Variants in ZHX3 observed in about 807,000 individuals in gnomAD.
ZHX3 encodes zinc fingers and homeoboxes protein 3.
ZHX3 carries 20 observed loss-of-function variants against 64.5 expected under a neutral mutation model. That is an observed-to-expected ratio of 0.31 (90% CI 0.22 to 0.45). The LOEUF (loss-of-function observed/expected upper bound fraction) is 0.45. ZHX3 is among the 20% of genes least tolerant of loss of function. ZHX3 has a pLI of 1.00. For synonymous variants in ZHX3, 423 were observed against 461.6 expected, an observed-to-expected ratio of 0.92 and a Z score of 1.07; for missense variants, 1,041 against 1,195.8, an observed-to-expected ratio of 0.87 and a Z score of 1.91.
chr20:41,267,287 T>G (rs1183772198), intron 2 of ZHX3, among the ~76,000 whole-genome samples: 1 of 152,198 alleles, frequency 6.6e-6, no homozygotes, highest in African/African-American at 2.4e-5. Flanking sequence ...CAAAGAGCTA[T>G]GTTTGACAAT....
intron 1 of ZHX3, among the ~76,000 whole-genome samples, chr20:41,303,455 A>G (rs1007004171): frequency 6.6e-6 from 1 of 152,224 alleles, no homozygotes; most frequent in Admixed American, 6.5e-5. Flanking sequence ...TTTATATTTT[A>G]CCTGCCTTCA....
intron 1 of ZHX3, among the ~76,000 whole-genome samples, chr20:41,288,658 A>G (rs1201893266): frequency 1.3e-5 from 2 of 152,176 alleles, no homozygotes; most frequent in African/African-American, 4.8e-5. Context: ...ATAGGGCCCA[A>G]AAGTTTGCCA....
intron 1 of ZHX3, among the ~76,000 whole-genome samples, chr20:41,288,815 T>C (rs2044071512): frequency 6.6e-6 from 1 of 152,206 alleles, no homozygotes. Flanking sequence ...TAAGGGTGGG[T>C]ATCCTAAATT....
At chr20:41,251,030 G>C (rs1265122126) in intron 2 of ZHX3, among the ~76,000 whole-genome samples, 2 of 152,078 alleles carry the variant, frequency 1.3e-5, no homozygotes, top group African/African-American at 2.4e-5. Flanking sequence ...TAAAACCATG[G>C]AGGCCAGAAG....
Position 41,226,541 on chromosome 20 carries a change from T to C in ZHX3, c.-150-21475A>G, listed in dbSNP as rs2040283772. 6.6e-6 allele frequency among the ~76,000 whole-genome samples: 1 copy of C among 152,182 alleles called. No homozygotes were observed. Among genetic ancestry groups the C allele is most frequent in the Admixed American group, 6.5e-5 (1 of 15,278 alleles). On this transcript the variant is annotated intron_variant, in intron 2 of 3. Transcript: ENST00000683867. The surrounding 1 kb of genome is among the most constrained non-coding windows in gnomAD (Gnocchi z 4.4). Reference sequence around the variant, plus strand: ...CTCTTTGGGATCTTATTTTTTATTCTTTTGGGTATACACTTTTTCTTGTTT... The same window carrying C: ...CTCTTTGGGATCTTATTTTTTATTCCTTTGGGTATACACTTTTTCTTGTTT...
chr20:41,267,339 T>A (rs1406995765), intron 2 of ZHX3: 1 of 152,230 alleles, frequency 6.6e-6, no homozygotes, highest in Non-Finnish European at 1.5e-5. Flanking sequence ...TAACATACAG[T>A]TTAAGATACT....
intron 1 of ZHX3, among the ~76,000 whole-genome samples, chr20:41,293,875 A>G (rs980986992): frequency 3.9e-5 from 6 of 152,216 alleles, no homozygotes; most frequent in African/African-American, 1.4e-4. Flanking sequence ...GCCAGGAGCT[A>G]AGGATACAGA....
chr20:41,211,820 G>C (rs1261158528), intron 2 of ZHX3, among the ~76,000 whole-genome samples: 4 of 152,194 alleles, frequency 2.6e-5, no homozygotes, highest in Non-Finnish European at 5.9e-5. Flanking sequence ...GAGGTTAAGT[G>C]CACAGGAATG....
Position 41,201,992 on chromosome 20 carries a change from C to T in ZHX3, c.2860+65G>A. ...ATGCCCCTGTGCAGTAAATTCAGTG[C>T]CCAACCATAAGTGCCTCCTCCCCTT... is the stretch of plus-strand genomic sequence containing the variant. On this transcript the variant is annotated intron_variant, in intron 3 of 3. Transcript: ENST00000683867. The surrounding 1 kb of genome is among the most constrained non-coding windows in gnomAD (Gnocchi z 5.0). The T allele has an allele frequency of 6.7e-7, 1 of 1,493,444 alleles. No individual in the cohort carries two copies. The highest frequency in any genetic ancestry group is 8.9e-7 in the Non-Finnish European group (1 of 1,121,530). 92.5% of individuals were successfully genotyped at this position (1,493,444 alleles called of 1,614,324 possible). A position where few individuals can be genotyped will look rare whatever the true frequency, so the allele number is the denominator to read the frequency against.
At position 41,201,740 on chromosome 20, in the gene ZHX3, C is replaced by CA. The variant is rs2038233739; in HGVS notation, c.2860+316dup. 6.6e-6 allele frequency among the ~76,000 whole-genome samples: 1 copy of CA among 152,218 alleles called. No homozygotes were observed. Among genetic ancestry groups the CA allele is most frequent in the African/African-American group, 2.4e-5 (1 of 41,456 alleles). ...CCAGTGGCTGTGGATCTGCCCGACTCAGAGGATGTTTTGACCTGTTCTCCT... is the reference window on the plus strand; with the variant it reads ...CCAGTGGCTGTGGATCTGCCCGACTCAAGAGGATGTTTTGACCTGTTCTCCT... On this transcript the variant is annotated intron_variant, in intron 3 of 3. Coordinates refer to ENST00000683867, the MANE Select transcript of ZHX3 (RefSeq NM_001384317.1). The surrounding 1 kb of genome is among the most constrained non-coding windows in gnomAD (Gnocchi z 5.0).
rs2036317940 is a variant in ZHX3 at position 41,183,515 on chromosome 20, G to A, written c.*1676C>T. The A allele has an allele frequency of 6.6e-6, 1 of 152,246 alleles. No homozygotes were observed. The highest frequency in any genetic ancestry group is 2.1e-4 in the South Asian group (1 of 4,830). The allele number at this position is 152,246 out of a possible 1,614,324, so 9.4% of individuals were successfully genotyped here. On this transcript the variant is annotated 3_prime_UTR_variant, in exon 4 of 4. Transcript: ENST00000683867. The surrounding 1 kb of genome is among the most constrained non-coding windows in gnomAD (Gnocchi z 5.3). ...AGGGGCCACCGCCATGCTTGTCCTTGGAGCCACATGAGCACGGTGCCCTGC... is the reference window on the plus strand; with the variant it reads ...AGGGGCCACCGCCATGCTTGTCCTTAGAGCCACATGAGCACGGTGCCCTGC...
intron 2 of ZHX3, among the ~76,000 whole-genome samples, chr20:41,236,557 G>A (rs560957487): frequency 5.3e-5 from 8 of 152,156 alleles, no homozygotes; most frequent in Non-Finnish European, 1.0e-4. Flanking sequence ...CTGGGAAAAC[G>A]GGCTAGCCAT....
At chr20:41,313,294 G>C (rs1442130365) in intron 1 of ZHX3, among the ~76,000 whole-genome samples, 1 of 152,092 alleles carries the variant, frequency 6.6e-6, no homozygotes, top group African/African-American at 2.4e-5. Context: ...ACAGGAAGGT[G>C]GTAGCTAAAA....
At chr20:41,197,284 CATAT>C (rs903019291) in intron 3 of ZHX3, 2 of 140,312 alleles carry the variant, frequency 1.4e-5, no homozygotes, top group African/African-American at 2.6e-5. Context: ...ATTTAAAATA[CATAT>C]ATATTTTATA....
intron 1 of ZHX3, among the ~76,000 whole-genome samples, chr20:41,270,614 T>TAC (rs1190465328): frequency 6.6e-6 from 1 of 151,142 alleles, no homozygotes; most frequent in Non-Finnish European, 1.5e-5. Flanking sequence ...AGGTGGAGCT[T>TAC]ACAGTGAGCC....
rs1463910971 is a variant in ZHX3 at position 41,278,346 on chromosome 20, A to G, written c.-244-9263T>C. Among the ~76,000 whole-genome samples the G allele has an allele frequency of 1.5e-5, 2 of 136,298 alleles. 1 individual carries two copies. Among genetic ancestry groups the G allele is most frequent in the Non-Finnish European group, 3.2e-5 (2 of 62,956 alleles). The allele number at this position is 136,298 out of a possible 152,430, so 89.4% of individuals were successfully genotyped here. On this transcript the variant is annotated intron_variant, in intron 1 of 3. Coordinates refer to ENST00000683867, the MANE Select transcript of ZHX3 (RefSeq NM_001384317.1). ...GTGACAGAGAGAGACCCTGTCTTGA[A>G]GGAAAAAAAAAAAGATTATAGTTGG...
At position 41,246,900 on chromosome 20, in the gene ZHX3, AC is replaced by A. The variant is rs1188077018; in HGVS notation, c.-151+22089del. Reference sequence around the variant, plus strand: ...AAAAAAAAACCAAACAAACAAACAAACAAACAAAAAAAACTAATATCTAAAT... The same window carrying A: ...AAAAAAAAACCAAACAAACAAACAAAAAACAAAAAAAACTAATATCTAAAT... On this transcript the variant is annotated intron_variant, in intron 2 of 3. Transcript: ENST00000683867. 7.1e-3 allele frequency among the ~76,000 whole-genome samples: 1,071 copies of A among 151,438 alleles called. 9 individuals carry two copies. Among genetic ancestry groups the A allele is most frequent in the East Asian group, 0.02 (103 of 5,106 alleles).
At position 41,240,669 on chromosome 20, in the gene ZHX3, C is replaced by T. The variant is rs184301430; in HGVS notation, c.-151+28321G>A. 5.0e-4 allele frequency among the ~76,000 whole-genome samples: 76 copies of T among 152,302 alleles called. 1 individual carries two copies. Among genetic ancestry groups the T allele is most frequent in the East Asian group, 4.8e-3 (25 of 5,180 alleles). On this transcript the variant is annotated intron_variant, in intron 2 of 3. Transcript: ENST00000683867. ...CCCCCCCGTCACTCACCCTACTACC[C>T]TTCCCAGCCTCTGGTAACCATCCTT...
intron 2 of ZHX3, chr20:41,267,659 G>C (rs549959639): frequency 6.6e-6 from 1 of 152,196 alleles, no homozygotes; most frequent in Non-Finnish European, 1.5e-5. Context: ...GGTATGGTAA[G>C]GTATCATTTT....
Sources: allele counts gnomAD v4.1 joint callset (sites outside exome capture counted in the v4.1 genomes callset), GRCh38; gene constraint gnomAD v4.1.1; non-coding constraint Gnocchi (gnomAD v3.1); transcripts MANE v1.5; gene names NCBI Gene and HGNC (gene_info 2026-07-23, HGNC 2026-07-21).